ARL15: variants seen among roughly 807,000 people sequenced by gnomAD.
The protein encoded by ARL15 is ARF like GTPase 15.
Under a neutral mutation model 25.2 loss-of-function variants are expected in ARL15, and 19 were observed. The observed-to-expected ratio is 0.75, with a 90% CI of 0.53 to 1.10. ARL15 has a LOEUF of 1.10. Among genes scored for constraint, ARL15 ranks in the 50% least tolerant of loss-of-function variants. The pLI is 0.00. For synonymous variants in ARL15, 94 were observed against 86.8 expected (o/e 1.08, Z -0.46); for missense variants, 220 against 246.0 (o/e 0.89, Z 0.71).
chr5:54,296,884 G>GCAC (rs1758478988), intron 1 of ARL15, among the ~76,000 whole-genome samples: 1 of 152,202 alleles, frequency 6.6e-6, no homozygotes, highest in African/African-American at 2.4e-5. Context: ...CAGAGTTAAT[G>GCAC]CACCACCACC....
chr5:53,990,286 T>C (rs1748441807), intron 4 of ARL15, among the ~76,000 whole-genome samples: 1 of 152,064 alleles, frequency 6.6e-6, no homozygotes, highest in Non-Finnish European at 1.5e-5. Context: ...AGACAATATG[T>C]AAAACCCACT....
intron 4 of ARL15, among the ~76,000 whole-genome samples, chr5:53,959,611 C>T (rs1298451005): frequency 1.5e-4 from 23 of 152,052 alleles, no homozygotes; most frequent in African/African-American, 2.4e-5. Flanking sequence ...TGCCTCTTTT[C>T]CTCTGGCACT....
chr5:53,934,747 C>A (rs1396227181), intron 4 of ARL15, among the ~76,000 whole-genome samples: 1 of 152,158 alleles, frequency 6.6e-6, no homozygotes, highest in Non-Finnish European at 1.5e-5. Flanking sequence ...CAAAGAGACT[C>A]TTTTATAATA....
At chr5:54,146,605 T>C (rs1438796222) in intron 3 of ARL15, among the ~76,000 whole-genome samples, 1 of 152,152 alleles carries the variant, frequency 6.6e-6, no homozygotes, top group Non-Finnish European at 1.5e-5. Context: ...CTTATTCCCT[T>C]GTGAGGGATA....
At chr5:54,056,125 C>T (rs10052769) in intron 4 of ARL15, among the ~76,000 whole-genome samples, 15 of 152,128 alleles carry the variant, frequency 9.9e-5, no homozygotes, top group African/African-American at 2.9e-4. Flanking sequence ...GGTTCACATA[C>T]GAGTTCTGCT....
chr5:54,008,837 A>G (rs1561186937), intron 4 of ARL15, among the ~76,000 whole-genome samples: 1 of 152,208 alleles, frequency 6.6e-6, no homozygotes, highest in Non-Finnish European at 1.5e-5. Context: ...TTACGTTAAT[A>G]AGATAAAATG....
chr5:54,258,900 C>T (rs887217865), intron 1 of ARL15, among the ~76,000 whole-genome samples: 4 of 152,172 alleles, frequency 2.6e-5, no homozygotes, highest in Non-Finnish European at 5.9e-5. Context: ...GAGGTGGTTG[C>T]CTCAGGCTCT....
chr5:54,105,067 TATA>T (rs1752548907), intron 4 of ARL15, among the ~76,000 whole-genome samples: 1 of 151,276 alleles, frequency 6.6e-6, no homozygotes, highest in Non-Finnish European at 1.5e-5. Flanking sequence ...TTATCATAAT[TATA>T]ATAACTAACG....
At chr5:53,912,499 T>C (rs1303507038) in intron 4 of ARL15, among the ~76,000 whole-genome samples, 1 of 152,162 alleles carries the variant, frequency 6.6e-6, no homozygotes, top group African/African-American at 2.4e-5. Context: ...CCCTTAAAAC[T>C]CAGTCCACAT....
chr5:54,269,862 G>T (rs1757735376), intron 1 of ARL15, among the ~76,000 whole-genome samples: 1 of 152,120 alleles, frequency 6.6e-6, no homozygotes, highest in Admixed American at 6.6e-5. Context: ...GGCCAGGCTG[G>T]TCTCCAACGC....
At chr5:54,030,551 C>T (rs696195) in intron 4 of ARL15, among the ~76,000 whole-genome samples, 53,776 of 152,022 alleles carry the variant, frequency 0.35, 11,483 homozygotes, top group Admixed American at 0.47. Flanking sequence ...GAGTTGAAGC[C>T]AGACATACAA....
chr5:54,305,183 C>A (rs932237812), intron 1 of ARL15, among the ~76,000 whole-genome samples: 7 of 152,102 alleles, frequency 4.6e-5, no homozygotes, highest in Non-Finnish European at 1.0e-4. Flanking sequence ...ATTAAACTAA[C>A]CTATCAAATC....
intron 1 of ARL15, among the ~76,000 whole-genome samples, chr5:54,211,816 T>C (rs1244931479): frequency 1.3e-5 from 2 of 151,884 alleles, no homozygotes; most frequent in Admixed American, 6.6e-5. Context: ...AAAAAGAATA[T>C]GATAATCAGA....
chr5:53,943,047 C>A (rs1467003739), intron 4 of ARL15, among the ~76,000 whole-genome samples: 1 of 152,072 alleles, frequency 6.6e-6, no homozygotes, highest in East Asian at 1.9e-4. Context: ...TCTCTAGGAG[C>A]TTCACGATAA....
At chr5:53,902,550 A>G (rs994051743) in intron 4 of ARL15, among the ~76,000 whole-genome samples, 8 of 152,238 alleles carry the variant, frequency 5.3e-5, no homozygotes, top group African/African-American at 1.9e-4. Flanking sequence ...TAACAAATCA[A>G]AATGTTAATA....
chr5:54,035,951 TTGA>T (rs1255839634), intron 4 of ARL15, among the ~76,000 whole-genome samples: 2 of 152,078 alleles, frequency 1.3e-5, no homozygotes, highest in Non-Finnish European at 2.9e-5. Context: ...GGCTAGGACA[TTGA>T]TATCAGCCTA....
chr5:53,933,416 G>T (rs1175336551), intron 4 of ARL15, among the ~76,000 whole-genome samples: 2 of 152,076 alleles, frequency 1.3e-5, no homozygotes, highest in East Asian at 3.9e-4. Flanking sequence ...GGAGGTCGAG[G>T]TGGGCGATCA....
rs114706998 is a variant in ARL15 at position 54,002,175 on chromosome 5, C to G, written c.462+111027G>C. Among the ~76,000 whole-genome samples the G allele has an allele frequency of 2.9e-3, 436 of 152,208 alleles. 4 individuals carry two copies. The highest frequency in any genetic ancestry group is 0.014 in the Middle Eastern group (4 of 294). On this transcript the variant is annotated intron_variant, in intron 4 of 4. Coordinates refer to ENST00000504924, the MANE Select transcript of ARL15 (RefSeq NM_019087.3). ...TAGATAGAGAACTCAGAAATGTGTC[C>G]TTGGCTACTAAGAGGGGAGGCAGAT...
chr5:54,146,526 T>G (rs1301596514), intron 3 of ARL15, among the ~76,000 whole-genome samples: 1 of 152,210 alleles, frequency 6.6e-6, no homozygotes, highest in Admixed American at 6.5e-5. Context: ...GTTGCTGCAC[T>G]ACCACACTGA....
Sources: gnomAD v4.1 joint callset for allele counts (sites outside exome capture counted in the v4.1 genomes callset) on GRCh38, gnomAD v4.1.1 for gene constraint, MANE v1.5 for transcripts, NCBI Gene and HGNC (gene_info 2026-07-23, HGNC 2026-07-21) for gene names.